The following B4GALT1 variants were observed in gnomAD, a reference collection of about 807,000 sequenced individuals.
B4GALT1 encodes N-acetyllactosamine synthase.
In B4GALT1, 16 loss-of-function variants were observed where a neutral mutation model predicts 34.9. The observed-to-expected ratio is 0.46, with a 90% confidence interval of 0.31 to 0.70. The LOEUF is 0.70. B4GALT1 is among the 30% of genes least tolerant of loss of function. The probability of loss-of-function intolerance (pLI) is 0.05; values close to 1 mark genes in which losing one functional copy is unlikely to be tolerated. For synonymous variants in B4GALT1, 221 were observed against 218.1 expected (o/e 1.01, Z -0.12); for missense variants, 445 against 530.5 (o/e 0.84, Z 1.58).
At chr9:33,109,822 G>A (rs1325396163), downstream of B4GALT1, among the ~76,000 whole-genome samples, 1 of 151,922 alleles carries the variant, frequency 6.6e-6, no homozygotes, top group Non-Finnish European at 1.5e-5. Context: ...CTGCTTGTTG[G>A]TGGGGAGAAA....
At chr9:33,125,557 T>TCCCC (rs1164312321) in intron 2 of B4GALT1, among the ~76,000 whole-genome samples, 1 of 151,978 alleles carries the variant, frequency 6.6e-6, no homozygotes, top group South Asian at 2.1e-4. Flanking sequence ...AGACAGTGCC[T>TCCCC]CCCCCAAGGG....
rs150774756 is a variant in B4GALT1 at position 33,166,778 on chromosome 9, G to A, written c.392C>T (p.Pro131Leu). 177 of 1,524,414 alleles carry A rather than the reference G, an allele frequency of 1.2e-4. No homozygotes were observed. The highest frequency in any genetic ancestry group is 3.9e-4 in the Admixed American group (19 of 48,762). The allele number at this position is 1,524,414 out of a possible 1,614,324, so 94.4% of individuals were successfully genotyped here. ...CTTACCAAGCAGCGGGGACTCCTCA[G>A]GGCAGGCGGGCAGCGACAGTGCGGT... ...HTTALSLPAC[P>L]EESPLLVGPM... Residue 131 changes from proline (P) to leucine (L), a missense_variant, in exon 1 of 6, where the codon CCT (proline) becomes CTT (leucine). Pro to Leu is a moderately conservative substitution (Grantham distance 98). Coordinates refer to ENST00000379731, the MANE Select transcript of B4GALT1 (RefSeq NM_001497.4).
At chr9:33,126,663 A>AACATTGTTACC (rs1554685864) in intron 2 of B4GALT1, among the ~76,000 whole-genome samples, 2 of 151,390 alleles carry the variant, frequency 1.3e-5, no homozygotes, top group Non-Finnish European at 3.0e-5. Flanking sequence ...AACCATAGCA[A>AACATTGTTACC]TATGGTAGCT....
intron 2 of B4GALT1, 106 bp downstream of exon 2, chr9:33,135,083 A>T: frequency 8.5e-7 from 1 of 1,176,212 alleles, no homozygotes; most frequent in Non-Finnish European, 1.2e-6. Context: ...TGTAAGTGCC[A>T]GGTGTCTGTG....
At chr9:33,159,211 C>T (rs1311157263) in intron 1 of B4GALT1, among the ~76,000 whole-genome samples, 2 of 152,168 alleles carry the variant, frequency 1.3e-5, no homozygotes, top group East Asian at 3.8e-4. Context: ...AGGCAAAAGG[C>T]CATTATGCAA....
chr9:33,184,285 C>A, the B4GALT1 span, among the ~76,000 whole-genome samples: 1 of 151,172 alleles, frequency 6.6e-6, no homozygotes, highest in African/African-American at 2.4e-5. Flanking sequence ...CACACACACA[C>A]ACAAAAACAT....
chr9:33,113,368 T>C lies in B4GALT1; in HGVS notation c.*86A>G, dbSNP rs1173483960. The C allele has an allele frequency of 6.3e-7, 1 of 1,596,352 alleles. No homozygotes were observed. Among genetic ancestry groups the C allele is most frequent in the Admixed American group, 1.7e-5 (1 of 59,958 alleles). On this transcript the variant is annotated 3_prime_UTR_variant, in exon 6 of 6. Transcript: ENST00000379731. ...GACCTGTCACTCAGACTGGTAAAAATGAGAGGGACCAGCCCAGCAGATTGG... is the reference window on the plus strand; with the variant it reads ...GACCTGTCACTCAGACTGGTAAAAACGAGAGGGACCAGCCCAGCAGATTGG...
chr9:33,131,255 A>G (rs976996725), intron 2 of B4GALT1, among the ~76,000 whole-genome samples: 1 of 152,164 alleles, frequency 6.6e-6, no homozygotes, highest in African/African-American at 2.4e-5. Context: ...ACTGTTGTCT[A>G]TGTGACTTTC....
chr9:33,171,005 C>T (rs1379381820), upstream of B4GALT1, among the ~76,000 whole-genome samples: 1 of 152,254 alleles, frequency 6.6e-6, no homozygotes, highest in Non-Finnish European at 1.5e-5. Flanking sequence ...CTGCAGCTGG[C>T]CTTCCTCTGC....
At chr9:33,171,183 C>T (rs1432589186), upstream of B4GALT1, among the ~76,000 whole-genome samples, 2 of 152,232 alleles carry the variant, frequency 1.3e-5, no homozygotes, top group South Asian at 4.1e-4. Flanking sequence ...AACAATTTCT[C>T]GCAGTTTTGC....
intron 2 of B4GALT1, among the ~76,000 whole-genome samples, chr9:33,123,603 C>T (rs1840053064): frequency 6.6e-6 from 1 of 152,200 alleles, no homozygotes; most frequent in Non-Finnish European, 1.5e-5. Context: ...ATGCTCCCTT[C>T]TCTTGGTACA....
At chr9:33,146,319 T>G (rs1047317842) in intron 1 of B4GALT1, among the ~76,000 whole-genome samples, 2 of 152,244 alleles carry the variant, frequency 1.3e-5, no homozygotes, top group Admixed American at 1.3e-4. Flanking sequence ...AACTCCATAT[T>G]AGCCCCAGGA....
intron 1 of B4GALT1, among the ~76,000 whole-genome samples, chr9:33,153,237 C>G (rs1205526501): frequency 6.6e-6 from 1 of 152,106 alleles, no homozygotes; most frequent in Non-Finnish European, 1.5e-5. Flanking sequence ...GAGAAAAAGC[C>G]AGAGGGCAAA....
At chr9:33,159,447 C>T (rs1207881254) in intron 1 of B4GALT1, among the ~76,000 whole-genome samples, 1 of 152,158 alleles carries the variant, frequency 6.6e-6, no homozygotes, top group South Asian at 2.1e-4. Flanking sequence ...AGGCTTTGTG[C>T]CAAATGACCC....
intron 1 of B4GALT1, among the ~76,000 whole-genome samples, chr9:33,138,300 G>A (rs895345109): frequency 1.3e-5 from 2 of 152,178 alleles, no homozygotes; most frequent in Admixed American, 6.5e-5. Context: ...CCTGAGAGTG[G>A]ATAGTACAGC....
chr9:33,146,893 G>C lies in B4GALT1; in HGVS notation c.413-11469C>G, dbSNP rs545327260. Among the ~76,000 whole-genome samples the C allele has an allele frequency of 9.9e-5, 15 of 152,204 alleles. No homozygotes were observed. In the East Asian group the frequency reaches 2.9e-3, roughly 29 times the overall value. On this transcript the variant is annotated intron_variant, in intron 1 of 5. Transcript: ENST00000379731. ...TTTTTGTATTTTTAGTAAAGACGGG[G>C]TTTCGCCATGTTGGCCAGGCTGGTC...
At chr9:33,131,550 ATTACT>A (rs1216806371) in intron 2 of B4GALT1, among the ~76,000 whole-genome samples, 1 of 152,166 alleles carries the variant, frequency 6.6e-6, no homozygotes, top group Non-Finnish European at 1.5e-5. Flanking sequence ...CATTTTGAGC[ATTACT>A]TCTGTCTAAT....
downstream of B4GALT1, among the ~76,000 whole-genome samples, chr9:33,109,055 C>T (rs1587723808): frequency 6.6e-6 from 1 of 152,188 alleles, no homozygotes; most frequent in African/African-American, 2.4e-5. Context: ...AAATGATTCT[C>T]AGTGAACTCC....
chr9:33,121,976 T>C (rs1840027228), intron 2 of B4GALT1, among the ~76,000 whole-genome samples: 1 of 152,114 alleles, frequency 6.6e-6, no homozygotes. Context: ...TTGCCACGCC[T>C]CACTCTCAGC....
Sources: allele counts gnomAD v4.1 joint callset (sites outside exome capture counted in the v4.1 genomes callset), GRCh38; gene constraint gnomAD v4.1.1; transcripts MANE v1.5; gene names NCBI Gene and HGNC (gene_info 2026-07-23, HGNC 2026-07-21).